The following PSMD11 variants were observed in gnomAD, a reference collection of about 807,000 sequenced individuals.
PSMD11 encodes the protein proteasome 26S subunit, non-ATPase 11.
A neutral mutation model predicts 62.3 loss-of-function variants in PSMD11; 5 were observed. The ratio of observed to expected loss-of-function variants is 0.08; its 90% CI spans 0.04 to 0.17. The LOEUF is 0.17. Among genes scored for constraint, PSMD11 ranks in the 10% least tolerant of loss-of-function variants. PSMD11 has a pLI of 1.00. For synonymous variants in PSMD11, 191 were observed against 191.8 expected (o/e 1.00, Z 0.03); for missense variants, 310 against 512.9 (o/e 0.60, Z 3.82).
At chr17:32,470,791 C>T (rs1236690273) in intron 6 of PSMD11, among the ~76,000 whole-genome samples, 1 of 152,190 alleles carries the variant, frequency 6.6e-6, no homozygotes, top group Non-Finnish European at 1.5e-5. Context: ...AGATGTGTCT[C>T]ATTTAGTTTA....
At chr17:32,454,859 AC>A in intron 3 of PSMD11, 1 of 393,128 alleles carries the variant, frequency 2.5e-6, no homozygotes, top group Non-Finnish European at 4.6e-6. Flanking sequence ...AGGGTCACAA[AC>A]TGATTCTTGT....
intron 6 of PSMD11, 57 bp downstream of exon 6, chr17:32,469,250 G>A (rs1908087443): frequency 6.5e-7 from 1 of 1,535,740 alleles, no homozygotes; most frequent in Admixed American, 1.8e-5. Flanking sequence ...TTATTTTATA[G>A]GTGGAAGGAA....
At chr17:32,469,265 G>A in intron 6 of PSMD11, 72 bp downstream of exon 6, 1 of 1,457,988 alleles carries the variant, frequency 6.9e-7, no homozygotes, top group South Asian at 1.3e-5. Flanking sequence ...AAGGAATGGG[G>A]GTTGGGGCTG....
chr17:32,466,209 C>G (rs1378688430), intron 5 of PSMD11, among the ~76,000 whole-genome samples: 2 of 152,148 alleles, frequency 1.3e-5, no homozygotes, highest in African/African-American at 2.4e-5. Context: ...TTTGGTCAGG[C>G]TGGTCTCAAA....
chr17:32,480,443 T>C, intron 12 of PSMD11, 46 bp from the exon 13 acceptor site: 3 of 1,611,530 alleles, frequency 1.9e-6, no homozygotes, highest in Non-Finnish European at 1.7e-6. Context: ...AACACTTTTG[T>C]GTCTAACCTC....
In PSMD11 at chr17:32,482,825, G is replaced by C. The variant is rs545938265; in HGVS notation, c.*2073G>C. 1 of 152,242 alleles carries C rather than the reference G, an allele frequency of 6.6e-6. No homozygotes were observed. The highest frequency in any genetic ancestry group is 1.5e-5 in the Non-Finnish European group (1 of 68,098). 9.4% of individuals were successfully genotyped at this position (152,242 alleles called of 1,614,324 possible). A position where few individuals can be genotyped will look rare whatever the true frequency, so the allele number is the denominator to read the frequency against. On this transcript the variant is annotated 3_prime_UTR_variant, in exon 14 of 14. Coordinates refer to ENST00000261712, the MANE Select transcript of PSMD11 (RefSeq NM_002815.4). ...TTTTCATATTGCCTCACACCCTGGC[G>C]GGGGCGGGGGGCTCTGGGACCACTG... is the stretch of plus-strand genomic sequence containing the variant.
At chr17:32,457,798 TCTC>T (rs1366548762) in intron 3 of PSMD11, among the ~76,000 whole-genome samples, 1 of 145,460 alleles carries the variant, frequency 6.9e-6, no homozygotes, top group African/African-American at 2.6e-5. Context: ...GTTCTCTCTC[TCTC>T]TTTTTTTTTT....
intron 3 of PSMD11, among the ~76,000 whole-genome samples, chr17:32,457,801 CTT>C (rs11402492): frequency 1.4e-5 from 2 of 143,946 alleles, no homozygotes; most frequent in African/African-American, 2.6e-5. Flanking sequence ...CTCTCTCTCT[CTT>C]TTTTTTTTTT....
intron 11 of PSMD11, 86 bp from the exon 12 acceptor site, chr17:32,480,060 C>A (rs1450451823): frequency 2.3e-5 from 36 of 1,533,288 alleles, no homozygotes; most frequent in Non-Finnish European, 8.1e-6. Flanking sequence ...TCCATTTGGC[C>A]TAAGACCCCT....
At chr17:32,477,832 T>C in intron 9 of PSMD11, 1 of 281,852 alleles carries the variant, frequency 3.5e-6, no homozygotes, top group Non-Finnish European at 6.5e-6. Context: ...CTTTCTGTCC[T>C]TTTTTCACTT....
At chr17:32,480,465 G>A (rs763842406) in intron 12 of PSMD11, 24 bp from the exon 13 acceptor site, 1 of 1,614,008 alleles carries the variant, frequency 6.2e-7, no homozygotes, top group South Asian at 1.1e-5. Context: ...TCTTTTACCT[G>A]GGTTGCCCTT....
intron 7 of PSMD11, among the ~76,000 whole-genome samples, chr17:32,474,389 T>C (rs527954545): frequency 6.6e-6 from 1 of 152,346 alleles, no homozygotes; most frequent in African/African-American, 2.4e-5. Flanking sequence ...TCAATTCTTT[T>C]GGGAATAAAT....
At chr17:32,480,685 G>A (rs1437823353) in intron 13 of PSMD11, 54 bp downstream of exon 13, 8 of 1,594,284 alleles carry the variant, frequency 5.0e-6, no homozygotes, top group East Asian at 2.2e-5. Flanking sequence ...TCTGCGTGTC[G>A]AGACTGAAAA....
intron 2 of PSMD11, among the ~76,000 whole-genome samples, chr17:32,451,599 A>G (rs1036253458): frequency 1.2e-4 from 18 of 152,366 alleles, no homozygotes; most frequent in African/African-American, 3.6e-4. Context: ...GAAATTAAAA[A>G]TAAAGAGTAG....
At position 32,473,802 on chromosome 17, in the gene PSMD11, T is replaced by A; in HGVS notation, c.645T>A (p.Gly215=). ...TATTCCTTTCTTTTCAATGCCCAGG[T>A]ATTATCCATGCAGCAGAAGAGAAGG... ...KLQATLDMQS[G]IIHAAEEKDW... Residue 215 remains glycine (G), a splice_region_variant and synonymous_variant, in exon 7 of 14, where the codon GGT becomes GGA. Transcript: ENST00000261712. 1 of 1,613,480 alleles carries A rather than the reference T, an allele frequency of 6.2e-7. No individual in the cohort carries two copies. Among genetic ancestry groups the A allele is most frequent in the Non-Finnish European group, 8.5e-7 (1 of 1,179,406 alleles).
chr17:32,471,947 C>A (rs544244487), intron 6 of PSMD11, among the ~76,000 whole-genome samples: 1 of 151,960 alleles, frequency 6.6e-6, no homozygotes, highest in Non-Finnish European at 1.5e-5. Flanking sequence ...CAGCTCCCAT[C>A]GCTATCATCA....
At position 32,482,400 on chromosome 17, in the gene PSMD11, C is replaced by T. The variant is rs1908523658; in HGVS notation, c.*1648C>T. ...TCAAAAGGTGTCTTTTTCTTGAGTG[C>T]TGGAGGGCTTCCAAGCAAGTCCAGA... is the stretch of plus-strand genomic sequence containing the variant. On this transcript the variant is annotated 3_prime_UTR_variant, in exon 14 of 14. Transcript: ENST00000261712. 1 of 151,110 alleles carries T rather than the reference C, an allele frequency of 6.6e-6. No individual in the cohort carries two copies. Among genetic ancestry groups the T allele is most frequent in the African/African-American group, 2.4e-5 (1 of 41,016 alleles). The allele number at this position is 151,110 out of a possible 1,614,324, so 9.4% of individuals were successfully genotyped here.
intron 3 of PSMD11, among the ~76,000 whole-genome samples, chr17:32,461,961 G>A (rs1416370506): frequency 6.6e-6 from 1 of 152,152 alleles, no homozygotes; most frequent in Non-Finnish European, 1.5e-5. Flanking sequence ...TCTCTTACTG[G>A]CAAATCCTCT....
rs143910284 is a variant in PSMD11, at chr17:32,464,051, C to G, written c.321C>G (p.Val107=). 9.2e-4 allele frequency: 1,487 copies of G among 1,613,766 alleles called. 2 individuals are homozygous for G. Among genetic ancestry groups the G allele is most frequent in the Non-Finnish European group, 1.1e-3 (1,325 of 1,179,752 alleles). The stretch of plus-strand genomic sequence containing the variant: ...TGTACTGTCTCTCCTTATTGCAGGT[C>G]GAGCTGTGTTTAGAGTGCATCGAAT... ...LDMEAATGQE[V]ELCLECIEWA... The change falls in exon 4 of 14, where the codon GTC becomes GTG. Residue 107 remains valine, a splice_region_variant and synonymous_variant. Coordinates refer to ENST00000261712, the MANE Select transcript of PSMD11 (RefSeq NM_002815.4).
Sources: gnomAD v4.1 joint callset for allele counts (sites outside exome capture counted in the v4.1 genomes callset) on GRCh38, gnomAD v4.1.1 for gene constraint, MANE v1.5 for transcripts, NCBI Gene and HGNC (gene_info 2026-07-23, HGNC 2026-07-21) for gene names.